MPP7: variants seen among roughly 807,000 people sequenced by gnomAD.
MPP7 encodes the protein MAGUK p55 subfamily member 7.
In MPP7, 60 loss-of-function variants were observed where a neutral mutation model predicts 76.5. That is an observed-to-expected ratio of 0.78 (90% CI 0.64 to 0.97). The LOEUF (loss-of-function observed/expected upper bound fraction) is 0.97, where lower values mean the gene tolerates loss of function less well. MPP7 is among the 50% of genes least tolerant of loss of function. The pLI, the probability that MPP7 is intolerant of heterozygous loss-of-function variation, is 0.00. For missense variants in MPP7, 641 were observed against 694.0 expected (o/e 0.92, Z 0.86); for synonymous variants, 237 against 244.5 (o/e 0.97, Z 0.29).
intron 1 of MPP7, among the ~76,000 whole-genome samples, chr10:28,244,512 A>G (rs982528037): frequency 6.6e-6 from 1 of 152,184 alleles, no homozygotes; most frequent in Non-Finnish European, 1.5e-5. Context: ...TTTTCAAGAA[A>G]AAAAGATTAT....
chr10:28,075,295 C>T (rs915907809), intron 12 of MPP7, among the ~76,000 whole-genome samples: 15 of 152,014 alleles, frequency 9.9e-5, no homozygotes, highest in Non-Finnish European at 2.2e-4. Flanking sequence ...CTATCACGTG[C>T]CAAGGAAACA....
At chr10:28,155,760 C>A (rs59046609) in intron 3 of MPP7, among the ~76,000 whole-genome samples, 31,750 of 151,722 alleles carry the variant, frequency 0.21, 4,525 homozygotes, top group East Asian at 0.55. Context: ...TGCTAGTGGT[C>A]AGAAACTTAA....
intron 12 of MPP7, among the ~76,000 whole-genome samples, chr10:28,078,323 G>A (rs1852594960): frequency 6.6e-6 from 1 of 152,202 alleles, no homozygotes; most frequent in African/African-American, 2.4e-5. Flanking sequence ...TGATCTCAAA[G>A]CTCACTCTGT....
At chr10:28,239,240 G>A (rs995397088) in intron 1 of MPP7, among the ~76,000 whole-genome samples, 7 of 151,338 alleles carry the variant, frequency 4.6e-5, no homozygotes, top group Non-Finnish European at 7.4e-5. Flanking sequence ...CGCCTCCTAT[G>A]TTCAAGCAAT....
At chr10:28,228,041 A>C (rs774912228) in intron 2 of MPP7, among the ~76,000 whole-genome samples, 4 of 152,184 alleles carry the variant, frequency 2.6e-5, no homozygotes, top group Non-Finnish European at 5.9e-5. Context: ...CAACAATCTT[A>C]ATTTGCTCTG....
At chr10:28,197,263 AC>A (rs1291866733) in intron 3 of MPP7, among the ~76,000 whole-genome samples, 2 of 148,420 alleles carry the variant, frequency 1.3e-5, no homozygotes, top group Admixed American at 1.4e-4. Context: ...GCTCACTGCA[AC>A]CTCTGCCTCC....
intron 1 of MPP7, among the ~76,000 whole-genome samples, chr10:28,254,511 A>T (rs778508993): frequency 6.6e-6 from 1 of 152,206 alleles, no homozygotes; most frequent in Non-Finnish European, 1.5e-5. Flanking sequence ...GCTTGATCTT[A>T]TCTATTTTAA....
chr10:28,224,878 T>A (rs1195173509), intron 2 of MPP7, among the ~76,000 whole-genome samples: 2 of 152,102 alleles, frequency 1.3e-5, no homozygotes, highest in Non-Finnish European at 2.9e-5. Context: ...AAAATAAAAA[T>A]TTTTTAATTC....
At chr10:28,220,917 T>G (rs1251223430) in intron 2 of MPP7, among the ~76,000 whole-genome samples, 1 of 152,144 alleles carries the variant, frequency 6.6e-6, no homozygotes, top group African/African-American at 2.4e-5. Flanking sequence ...TCATATCCTC[T>G]TAGAGGCTTG....
intron 2 of MPP7, among the ~76,000 whole-genome samples, chr10:28,205,730 G>T (rs904161326): frequency 3.3e-5 from 5 of 152,174 alleles, no homozygotes; most frequent in African/African-American, 1.2e-4. Flanking sequence ...GTCAATTCCT[G>T]CAAAGGACGA....
intron 13 of MPP7, among the ~76,000 whole-genome samples, chr10:28,067,765 A>G (rs909168509): frequency 1.3e-5 from 2 of 152,196 alleles, no homozygotes; most frequent in Non-Finnish European, 2.9e-5. Context: ...CTCATCTTCA[A>G]AAGAAGTCAG....
At chr10:28,286,407 C>T (rs1840793024) in intron 1 of MPP7, among the ~76,000 whole-genome samples, 1 of 152,038 alleles carries the variant, frequency 6.6e-6, no homozygotes, top group African/African-American at 2.4e-5. Flanking sequence ...TACTAAACTT[C>T]CTTTCACTTG....
chr10:28,240,619 T>C (rs1452266672), intron 1 of MPP7, among the ~76,000 whole-genome samples: 1 of 152,152 alleles, frequency 6.6e-6, no homozygotes, highest in Non-Finnish European at 1.5e-5. Context: ...AAATTAAAAA[T>C]GTGAGGCAAG....
At chr10:28,181,713 T>C (rs1232302590) in intron 3 of MPP7, among the ~76,000 whole-genome samples, 2 of 152,186 alleles carry the variant, frequency 1.3e-5, no homozygotes, top group Non-Finnish European at 2.9e-5. Context: ...AAAAACACTA[T>C]ACACAGATTC....
At chr10:28,220,696 A>C (rs778587986) in intron 2 of MPP7, among the ~76,000 whole-genome samples, 4 of 152,192 alleles carry the variant, frequency 2.6e-5, no homozygotes, top group Non-Finnish European at 4.4e-5. Flanking sequence ...GAAACCATGG[A>C]AGCAGAAAGT....
intron 2 of MPP7, among the ~76,000 whole-genome samples, chr10:28,324,534 A>G (rs778298302): frequency 6.6e-5 from 10 of 152,206 alleles, no homozygotes; most frequent in Non-Finnish European, 1.0e-4. Context: ...AATTTAGTGG[A>G]GCATCTCCAC....
intron 4 of MPP7, 46 bp from the exon 5 acceptor site, chr10:28,147,609 T>C (rs373008194): frequency 1.3e-6 from 2 of 1,525,116 alleles, no homozygotes; most frequent in African/African-American, 1.4e-5. Flanking sequence ...AGTAAGAGCA[T>C]TGTGGGATTG....
intron 1 of MPP7, among the ~76,000 whole-genome samples, chr10:28,255,419 C>CTT (rs36120518): frequency 1.4e-5 from 2 of 142,948 alleles, no homozygotes; most frequent in African/African-American, 2.6e-5. Flanking sequence ...CCACCTTTTT[C>CTT]TTTTTTTTTT....
At position 28,071,407 on chromosome 10, in the gene MPP7, C is replaced by T. The variant is rs192148122; in HGVS notation, c.1124-1555G>A. The stretch of plus-strand genomic sequence containing the variant: ...GTCCCTGACCCTTGTATAAAAACAC[C>T]TGTCCCGAGGTGGTCATTCACTACC... On this transcript the variant is annotated intron_variant, in intron 12 of 16. Coordinates refer to ENST00000683449, the MANE Select transcript of MPP7 (RefSeq NM_001318170.2). Among the ~76,000 whole-genome samples the T allele has an allele frequency of 3.2e-3, 493 of 152,250 alleles. 1 individual carries two copies. The highest frequency in any genetic ancestry group is 0.01 in the Middle Eastern group (3 of 294).
Sources: allele counts gnomAD v4.1 joint callset (sites outside exome capture counted in the v4.1 genomes callset), GRCh38; gene constraint gnomAD v4.1.1; transcripts MANE v1.5; gene names NCBI Gene and HGNC (gene_info 2026-07-23, HGNC 2026-07-21).